Variants in CHN2 observed in about 807,000 individuals in gnomAD.
CHN2 encodes beta-chimaerin.
In CHN2, 35 loss-of-function variants were observed where a neutral mutation model predicts 56.3. That is an observed-to-expected ratio of 0.62 (90% CI 0.47 to 0.82). The LOEUF is 0.82. Among genes scored for constraint, CHN2 ranks in the 40% least tolerant of loss-of-function variants. CHN2 has a pLI of 0.00. For missense variants in CHN2, 491 were observed against 580.5 expected, an observed-to-expected ratio of 0.85 and a Z score of 1.58; for synonymous variants, 210 against 212.8, an observed-to-expected ratio of 0.99 and a Z score of 0.12.
intron 1 of CHN2, among the ~76,000 whole-genome samples, chr7:29,274,140 C>T (rs76349260): frequency 9.2e-5 from 14 of 152,140 alleles, no homozygotes; most frequent in African/African-American, 2.9e-4. Context: ...TACGAACATT[C>T]GGGAAAGCAT....
At chr7:29,319,411 AT>A (rs1364204284) in intron 1 of CHN2, among the ~76,000 whole-genome samples, 9 of 151,172 alleles carry the variant, frequency 6.0e-5, no homozygotes, top group Admixed American at 1.3e-4. Flanking sequence ...CAGCACCTTC[AT>A]TATTGGTGCA....
At chr7:29,228,473 C>T (rs1277592770) in intron 1 of CHN2, among the ~76,000 whole-genome samples, 1 of 152,180 alleles carries the variant, frequency 6.6e-6, no homozygotes, top group Admixed American at 6.5e-5. Flanking sequence ...ATGATGTTCG[C>T]ACAACATGAA....
intron 9 of CHN2, among the ~76,000 whole-genome samples, chr7:29,501,338 A>G (rs557544147): frequency 3.9e-5 from 6 of 152,140 alleles, no homozygotes; most frequent in Non-Finnish European, 7.4e-5. Context: ...TGAACATATT[A>G]ATCCAGTGGC....
chr7:29,452,625 G>C (rs1426548471), intron 6 of CHN2, among the ~76,000 whole-genome samples: 1 of 152,170 alleles, frequency 6.6e-6, no homozygotes, highest in African/African-American at 2.4e-5. Context: ...TTCTAAAAGT[G>C]TTCTTTATTT....
At chr7:29,443,717 C>T (rs990676619) in intron 6 of CHN2, among the ~76,000 whole-genome samples, 7 of 151,330 alleles carry the variant, frequency 4.6e-5, no homozygotes, top group South Asian at 2.1e-4. Context: ...TTATCTGAGA[C>T]GTGCTGGCCT....
At chr7:29,335,752 G>A (rs1457252925) in intron 1 of CHN2, 1 of 152,266 alleles carries the variant, frequency 6.6e-6, no homozygotes, top group Non-Finnish European at 1.5e-5. Context: ...ATTGTGAACA[G>A]TGGAGATGGT....
chr7:29,367,426 A>G (rs1799251978), intron 2 of CHN2, among the ~76,000 whole-genome samples: 1 of 152,102 alleles, frequency 6.6e-6, no homozygotes, highest in South Asian at 2.1e-4. Context: ...AGAGAGAGAA[A>G]TGGCTTGGTG....
intron 1 of CHN2, among the ~76,000 whole-genome samples, chr7:29,232,604 G>T (rs529611904): frequency 6.6e-6 from 1 of 152,282 alleles, no homozygotes; most frequent in African/African-American, 2.4e-5. Context: ...TTGAAAACAC[G>T]ATGAGTGATC....
chr7:29,264,864 G>A (rs1789996905), intron 1 of CHN2, among the ~76,000 whole-genome samples: 1 of 142,696 alleles, frequency 7.0e-6, no homozygotes, highest in Non-Finnish European at 1.5e-5. Flanking sequence ...TCAATTGACT[G>A]TTAAAAGCAA....
chr7:29,351,107 C>CAA (rs55787771), intron 1 of CHN2, among the ~76,000 whole-genome samples: 2,741 of 69,334 alleles, frequency 0.04, 158 homozygotes, highest in African/African-American at 0.13. Flanking sequence ...GACTCCATCT[C>CAA]AAAAAAAAAA....
intron 6 of CHN2, among the ~76,000 whole-genome samples, chr7:29,412,009 T>TC (rs936787193): frequency 2.0e-5 from 3 of 152,174 alleles, no homozygotes; most frequent in African/African-American, 7.2e-5. Flanking sequence ...TCATTCCCAC[T>TC]CACCTTACTT....
intron 1 of CHN2, among the ~76,000 whole-genome samples, chr7:29,270,366 G>C (rs1790514877): frequency 6.6e-6 from 1 of 151,882 alleles, no homozygotes; most frequent in African/African-American, 2.4e-5. Flanking sequence ...TTTAAAAAAT[G>C]ATCTAGGTCG....
At chr7:29,212,139 C>A (rs958633065) in intron 1 of CHN2, among the ~76,000 whole-genome samples, 3 of 152,156 alleles carry the variant, frequency 2.0e-5, no homozygotes, top group African/African-American at 7.2e-5. Flanking sequence ...GAGCTAGTTA[C>A]CTCCTGCTAT....
At chr7:29,350,254 A>C (rs1403697568) in intron 1 of CHN2, among the ~76,000 whole-genome samples, 1 of 152,082 alleles carries the variant, frequency 6.6e-6, no homozygotes, top group African/African-American at 2.4e-5. Context: ...CTCATTTGCC[A>C]AATGACAAAG....
intron 1 of CHN2, among the ~76,000 whole-genome samples, chr7:29,293,606 C>G (rs1347436541): frequency 6.6e-6 from 1 of 152,176 alleles, no homozygotes; most frequent in Admixed American, 6.5e-5. Context: ...TTCCCGCAAA[C>G]AGGTAGGCTG....
At chr7:29,173,180 T>A (rs537976082) in intron 2 of CHN2, among the ~76,000 whole-genome samples, 4 of 151,480 alleles carry the variant, frequency 2.6e-5, no homozygotes, top group East Asian at 1.9e-4. Flanking sequence ...AAAACATTTT[T>A]AAAAATGCAC....
chr7:29,385,612 A>G (rs946820763), intron 3 of CHN2, among the ~76,000 whole-genome samples: 1 of 152,184 alleles, frequency 6.6e-6, no homozygotes, highest in African/African-American at 2.4e-5. Context: ...AGGTTTGACC[A>G]CGTGGCACTG....
At chr7:29,372,754 A>G (rs1346587694) in intron 3 of CHN2, among the ~76,000 whole-genome samples, 1 of 152,252 alleles carries the variant, frequency 6.6e-6, no homozygotes, top group Non-Finnish European at 1.5e-5. Flanking sequence ...ACACAGACTA[A>G]AATTTTTTCC....
chr7:29,250,359 T>A (rs577428885), intron 1 of CHN2, among the ~76,000 whole-genome samples: 13 of 152,354 alleles, frequency 8.5e-5, no homozygotes, highest in African/African-American at 3.1e-4. Context: ...AAAGGGTTCT[T>A]CTTTGATAAT....
Sources: allele counts gnomAD v4.1 joint callset (sites outside exome capture counted in the v4.1 genomes callset), GRCh38; gene constraint gnomAD v4.1.1; transcripts MANE v1.5; gene names NCBI Gene and HGNC (gene_info 2026-07-23, HGNC 2026-07-21).